The following CLDN10 variants were observed in gnomAD, a reference collection of about 807,000 sequenced individuals.
CLDN10 encodes claudin-10.
In CLDN10, 15 loss-of-function variants were observed where a neutral mutation model predicts 22.9. That is an observed-to-expected ratio of 0.65 (90% CI 0.44 to 1.01). The LOEUF is 1.01. Ranked by LOEUF, CLDN10 falls within the 50% of genes least tolerant of loss-of-function variation. The pLI is 0.00. For missense variants in CLDN10, 247 were observed against 287.8 expected, an observed-to-expected ratio of 0.86 and a Z score of 1.03; for synonymous variants, 114 against 111.4, an observed-to-expected ratio of 1.02 and a Z score of -0.15.
At chr13:95,515,431 C>A (rs969341926) in intron 1 of CLDN10, among the ~76,000 whole-genome samples, 1 of 152,106 alleles carries the variant, frequency 6.6e-6, no homozygotes, top group Non-Finnish European at 1.5e-5. Flanking sequence ...AATTCCTGAC[C>A]TCAAATGATC....
intron 1 of CLDN10, among the ~76,000 whole-genome samples, chr13:95,513,679 T>C (rs1343805021): frequency 6.6e-6 from 1 of 152,230 alleles, no homozygotes; most frequent in African/African-American, 2.4e-5. Flanking sequence ...TGAGCTCTTA[T>C]CATTCATTCA....
intron 1 of CLDN10, among the ~76,000 whole-genome samples, chr13:95,489,807 A>G (rs1463805177): frequency 6.6e-6 from 1 of 152,180 alleles, no homozygotes; most frequent in Non-Finnish European, 1.5e-5. Context: ...AATGTCTAGA[A>G]AGGTTTTTCC....
At chr13:95,551,860 A>G (rs1244226386), upstream of CLDN10, among the ~76,000 whole-genome samples, 3 of 152,176 alleles carry the variant, frequency 2.0e-5, no homozygotes, top group Non-Finnish European at 4.4e-5. Flanking sequence ...TTATATTTCA[A>G]TTAGGCGTGA....
chr13:95,483,095 C>T (rs2042767183), intron 1 of CLDN10, among the ~76,000 whole-genome samples: 3 of 152,216 alleles, frequency 2.0e-5, no homozygotes, highest in Non-Finnish European at 4.4e-5. Flanking sequence ...TGACGCTGCC[C>T]GTCCTCAGGC....
At chr13:95,468,344 T>A (rs1161512896) in intron 1 of CLDN10, among the ~76,000 whole-genome samples, 1 of 152,234 alleles carries the variant, frequency 6.6e-6, no homozygotes, top group Admixed American at 6.5e-5. Context: ...CTGGCTGATA[T>A]GACAAGATGT....
chr13:95,483,766 C>A (rs1350292257), intron 1 of CLDN10, among the ~76,000 whole-genome samples: 2 of 152,218 alleles, frequency 1.3e-5, no homozygotes, highest in African/African-American at 4.8e-5. Context: ...CTCCACCATC[C>A]ATTGGTCACT....
At chr13:95,550,432 G>T (rs999792658), upstream of CLDN10, among the ~76,000 whole-genome samples, 1 of 152,116 alleles carries the variant, frequency 6.6e-6, no homozygotes, top group Admixed American at 6.5e-5. Context: ...GTAAGTCAGG[G>T]TTTTGTCTAG....
intron 1 of CLDN10, among the ~76,000 whole-genome samples, chr13:95,517,434 A>G (rs925610584): frequency 1.3e-5 from 2 of 152,318 alleles, no homozygotes; most frequent in East Asian, 1.9e-4. Context: ...TTTGAATTAA[A>G]TATTAAAAGC....
In CLDN10 at chr13:95,453,508, C is replaced by A. The variant is rs190588082; in HGVS notation, c.214+19461C>A. 5.9e-3 allele frequency among the ~76,000 whole-genome samples: 890 copies of A among 151,814 alleles called. 7 individuals carry two copies. Among genetic ancestry groups the A allele is most frequent in the South Asian group, 0.023 (108 of 4,798 alleles). On this transcript the variant is annotated intron_variant, in intron 1 of 4. Coordinates refer to the CLDN10 transcript ENST00000376873. ...GACCAGCCTGGCCAACATGGAGAAA[C>A]CCCATCTCTACTAAAAATACAAAAA...
At chr13:95,553,119 G>A in intron 1 of CLDN10, 146 bp downstream of exon 1, 1 of 1,184,350 alleles carries the variant, frequency 8.4e-7, no homozygotes, top group African/African-American at 1.5e-5. Flanking sequence ...GGGCCTTAGG[G>A]AGCCAGGGAC....
Position 95,529,828 on chromosome 13 carries a change from T to A in CLDN10, c.215-30304T>A, listed in dbSNP as rs145012740. Among the ~76,000 whole-genome samples the A allele has an allele frequency of 1.5e-3, 235 of 152,304 alleles. 4 individuals are homozygous for A. The East Asian group carries it at 0.027, about 17-fold the overall frequency. ...TTTAAGATTGTTATTTCTTGGGTTA[T>A]CAGGACATAGCTCTCCCTTGAAACT... On this transcript the variant is annotated intron_variant, in intron 1 of 4. Coordinates refer to the CLDN10 transcript ENST00000376873.
chr13:95,518,818 G>A (rs2389313), intron 1 of CLDN10, among the ~76,000 whole-genome samples: 131,435 of 152,166 alleles, frequency 0.86, 56,956 homozygotes, highest in East Asian at 0.96. Context: ...ACTTCCTGAT[G>A]ACTGCTCTAA....
intron 1 of CLDN10, among the ~76,000 whole-genome samples, chr13:95,554,747 T>G (rs1306016984): frequency 3.3e-5 from 5 of 152,262 alleles, no homozygotes; most frequent in African/African-American, 1.2e-4. Context: ...TGACTCTGTG[T>G]AACTGCTGCA....
At chr13:95,532,538 G>A (rs1167556091) in intron 1 of CLDN10, among the ~76,000 whole-genome samples, 1 of 151,996 alleles carries the variant, frequency 6.6e-6, no homozygotes, top group Non-Finnish European at 1.5e-5. Flanking sequence ...TTCACACATG[G>A]TTAGTGGGAA....
At chr13:95,517,933 CAAAA>C (rs35780641) in intron 1 of CLDN10, among the ~76,000 whole-genome samples, 2 of 94,086 alleles carry the variant, frequency 2.1e-5, no homozygotes, top group Admixed American at 1.3e-4. Context: ...AACTCCACCT[CAAAA>C]AAAAAAAAAA....
intron 1 of CLDN10, among the ~76,000 whole-genome samples, chr13:95,454,495 T>C (rs1175413552): frequency 6.6e-6 from 1 of 152,092 alleles, no homozygotes; most frequent in Admixed American, 6.6e-5. Flanking sequence ...AAAGCAAGCC[T>C]GATGCTGAGA....
Position 95,488,977 on chromosome 13 carries a change from G to A in CLDN10, c.214+54930G>A, listed in dbSNP as rs568495295. ...TTTTTTTTTTTTTTTTTTTGAAACG[G>A]AGTTTCTCTCGTCACCCAGGCTAGA... On this transcript the variant is annotated intron_variant, in intron 1 of 4. Coordinates refer to the CLDN10 transcript ENST00000376873. Among the ~76,000 whole-genome samples the A allele has an allele frequency of 4.5e-5, 6 of 134,562 alleles. No individual in the cohort carries two copies. In the East Asian group the frequency reaches 1.3e-3, roughly 29 times the overall value. 88.3% of individuals were successfully genotyped at this position (134,562 alleles called of 152,430 possible). A position where few individuals can be genotyped will look rare whatever the true frequency, so the allele number is the denominator to read the frequency against.
At chr13:95,558,705 C>A (rs574790952) in intron 1 of CLDN10, among the ~76,000 whole-genome samples, 1 of 152,246 alleles carries the variant, frequency 6.6e-6, no homozygotes, top group Admixed American at 6.5e-5. Context: ...GCAAGAGGAT[C>A]GCTTGAGGCC....
chr13:95,576,390 T>G (rs1237370161), intron 3 of CLDN10, among the ~76,000 whole-genome samples: 1 of 152,196 alleles, frequency 6.6e-6, no homozygotes, highest in Non-Finnish European at 1.5e-5. Context: ...AAATAAGAGT[T>G]ACTCTTTATA....
Sources: allele counts gnomAD v4.1 joint callset (sites outside exome capture counted in the v4.1 genomes callset), GRCh38; gene constraint gnomAD v4.1.1; transcripts MANE v1.5; gene names NCBI Gene and HGNC (gene_info 2026-07-23, HGNC 2026-07-21).